The following MSTO1 variants were observed in gnomAD, a reference collection of about 807,000 sequenced individuals.
MSTO1 encodes protein misato homolog 1.
MSTO1 carries 24 observed loss-of-function variants against 55.7 expected under a neutral mutation model. That is an observed-to-expected ratio of 0.43 (90% CI 0.31 to 0.61). MSTO1 has a LOEUF of 0.61. Among genes scored for constraint, MSTO1 ranks in the 20% least tolerant of loss-of-function variants. The pLI is 0.09. For synonymous variants in MSTO1, 162 were observed against 252.8 expected, an observed-to-expected ratio of 0.64 and a Z score of 3.41; for missense variants, 363 against 625.7, an observed-to-expected ratio of 0.58 and a Z score of 4.48.
the MSTO1 span, among the ~76,000 whole-genome samples, chr1:155,575,515 T>G: frequency 2.0e-5 from 3 of 151,978 alleles, no homozygotes; most frequent in African/African-American, 4.8e-5. Flanking sequence ...CAATCACGGC[T>G]CACTGCAGCC....
the MSTO1 span, among the ~76,000 whole-genome samples, chr1:155,595,490 T>C: frequency 6.7e-6 from 1 of 149,110 alleles, no homozygotes; most frequent in Non-Finnish European, 1.5e-5. Context: ...AATTTCTTTT[T>C]CTTTTTTTTT....
chr1:155,593,964 G>A, the MSTO1 span, among the ~76,000 whole-genome samples: 2 of 149,096 alleles, frequency 1.3e-5, no homozygotes, highest in Non-Finnish European at 3.0e-5. Context: ...GCGAGACTCC[G>A]TCTAAAAAAA....
chr1:155,601,363 C>T, the MSTO1 span, among the ~76,000 whole-genome samples: 1 of 151,848 alleles, frequency 6.6e-6, no homozygotes, highest in Non-Finnish European at 1.5e-5. Flanking sequence ...TTTTGAACTC[C>T]TGACCTCAAG....
At chr1:155,590,879 C>T in the MSTO1 span, 2 of 1,611,812 alleles carry the variant, frequency 1.2e-6, no homozygotes, top group Non-Finnish European at 1.7e-6. Context: ...GTCAGGACCC[C>T]TGAGGTGACA....
chr1:155,589,015 C>T, the MSTO1 span, among the ~76,000 whole-genome samples: 32 of 152,208 alleles, frequency 2.1e-4, no homozygotes, highest in African/African-American at 6.0e-4. Context: ...AATTTCCTCT[C>T]GGCCGGGCAC....
chr1:155,607,881 C>T (rs1652173473), upstream of MSTO1, among the ~76,000 whole-genome samples: 1 of 152,192 alleles, frequency 6.6e-6, no homozygotes, highest in South Asian at 2.1e-4. Context: ...CCTGTAATTG[C>T]AGCTACTTGG....
the MSTO1 span, among the ~76,000 whole-genome samples, chr1:155,573,201 A>G: frequency 6.6e-6 from 1 of 151,986 alleles, no homozygotes; most frequent in African/African-American, 2.4e-5. Context: ...AAAAATATTG[A>G]TGCCTGGGTC....
At chr1:155,607,627 A>G (rs894646846), upstream of MSTO1, among the ~76,000 whole-genome samples, 2 of 152,198 alleles carry the variant, frequency 1.3e-5, no homozygotes, top group African/African-American at 2.4e-5. Context: ...CATGATCAAA[A>G]CTCTTAGCAA....
At chr1:155,576,554 T>C in the MSTO1 span, among the ~76,000 whole-genome samples, 1 of 150,910 alleles carries the variant, frequency 6.6e-6, no homozygotes, top group Non-Finnish European at 1.5e-5. Context: ...CTCGATATCT[T>C]GACCTTGTGA....
chr1:155,574,911 G>A, the MSTO1 span, among the ~76,000 whole-genome samples: 1 of 144,330 alleles, frequency 6.9e-6, no homozygotes, highest in Non-Finnish European at 1.5e-5. Context: ...CCTGTTGCCA[G>A]GTTGGAGTGC....
chr1:155,572,220 T>C, the MSTO1 span, among the ~76,000 whole-genome samples: 3 of 152,110 alleles, frequency 2.0e-5, no homozygotes, highest in African/African-American at 7.2e-5. Context: ...ACTCACTCGA[T>C]GCCAATAGCA....
the MSTO1 span, among the ~76,000 whole-genome samples, chr1:155,584,670 CAAAAAAA>C: frequency 5.5e-5 from 4 of 72,868 alleles, no homozygotes; most frequent in Non-Finnish European, 9.4e-5. Flanking sequence ...GAGCTTGTCT[CAAAAAAA>C]AAAAAAAAAA....
the MSTO1 span, among the ~76,000 whole-genome samples, chr1:155,597,982 A>G: frequency 6.8e-6 from 1 of 148,072 alleles, no homozygotes; most frequent in Non-Finnish European, 1.5e-5. Context: ...ACGCCCAGCT[A>G]ATTTTTTGTA....
At chr1:155,572,457 G>A in the MSTO1 span, among the ~76,000 whole-genome samples, 1 of 152,122 alleles carries the variant, frequency 6.6e-6, no homozygotes, top group African/African-American at 2.4e-5. Flanking sequence ...GCTCACGCCT[G>A]TAATCCCAGC....
chr1:155,596,867 C>G, the MSTO1 span, among the ~76,000 whole-genome samples: 1 of 152,018 alleles, frequency 6.6e-6, no homozygotes, highest in Non-Finnish European at 1.5e-5. Context: ...CTTTGAGAGG[C>G]CAAAGTGGGA....
At chr1:155,609,993 G>A (rs1377480611), upstream of MSTO1, 20 of 502,118 alleles carry the variant, frequency 4.0e-5, no homozygotes, top group South Asian at 1.3e-4. Context: ...CGCCCACCCC[G>A]CTCCAACGTG....
At chr1:155,591,225 A>T in the MSTO1 span, 1 of 1,611,098 alleles carries the variant, frequency 6.2e-7, no homozygotes. Flanking sequence ...CAGCAGTGTC[A>T]GGACGACTCC....
At position 155,613,509 on chromosome 1, in the gene MSTO1, C is replaced by T. The variant is rs367934774; in HGVS notation, c.1331C>T (p.Thr444Ile). ...TPPPSALHAC[T>I]TGEEILAQYL... ...CCACCCTCTGCCCTTCATGCATGTA[C>T]CACTGGGGAAGAAATCTTGGCTCAG... The change falls in exon 12 of 14, where the codon ACC (threonine) becomes ATC (isoleucine). Residue 444 changes from threonine to isoleucine, a missense_variant. Physicochemically the swap from Thr to Ile is moderately conservative, Grantham distance 89. Transcript: ENST00000245564. The T allele has an allele frequency of 4.1e-5, 66 of 1,613,784 alleles. No individual in the cohort carries two copies. The highest frequency in any genetic ancestry group is 5.0e-5 in the Non-Finnish European group (59 of 1,179,868).
the MSTO1 span, among the ~76,000 whole-genome samples, chr1:155,580,081 G>GAAA: frequency 1.2e-5 from 1 of 82,734 alleles, no homozygotes. Context: ...ATCTCAAAAA[G>GAAA]AAAAAAAAAA....
Sources: allele counts gnomAD v4.1 joint callset (sites outside exome capture counted in the v4.1 genomes callset), GRCh38; gene constraint gnomAD v4.1.1; transcripts MANE v1.5; gene names NCBI Gene and HGNC (gene_info 2026-07-23, HGNC 2026-07-21).